Variants in DPYD observed in about 807,000 individuals in gnomAD.
The protein encoded by DPYD is dihydropyrimidine dehydrogenase, also known as dihydropyrimidine dehydrogenase [NADP(+)].
In DPYD, 109 loss-of-function variants were observed where a neutral mutation model predicts 116.2. The ratio of observed to expected loss-of-function variants is 0.94; its 90% CI spans 0.80 to 1.10. The LOEUF is 1.10. Ranked by LOEUF, DPYD falls within the 50% of genes least tolerant of loss-of-function variation. The pLI, the probability that DPYD is intolerant of heterozygous loss-of-function variation, is 0.00. For synonymous variants in DPYD, 440 were observed against 432.0 expected (o/e 1.02, Z -0.23); for missense variants, 1,302 against 1,254.5 (o/e 1.04, Z -0.57).
chr1:97,779,286 T>G (rs1259696536), intron 3 of DPYD, among the ~76,000 whole-genome samples: 1 of 134,842 alleles, frequency 7.4e-6, no homozygotes, highest in African/African-American at 2.7e-5. Context: ...CCTTATTGTC[T>G]CTATAATTTT....
intron 1 of DPYD, among the ~76,000 whole-genome samples, chr1:97,918,711 A>AAACT (rs940846472): frequency 1.1e-4 from 16 of 152,340 alleles, no homozygotes; most frequent in African/African-American, 3.1e-4. Context: ...TTCTGTAGTT[A>AAACT]GCTCATAGGG....
chr1:97,693,216 G>A (rs181069503), intron 6 of DPYD, among the ~76,000 whole-genome samples: 352 of 149,696 alleles, frequency 2.4e-3, no homozygotes, highest in African/African-American at 7.9e-3. Context: ...GTGTGAACCC[G>A]GGAGGTGGAG....
At chr1:97,726,887 C>T (rs1417020508) in intron 4 of DPYD, among the ~76,000 whole-genome samples, 1 of 151,538 alleles carries the variant, frequency 6.6e-6, no homozygotes, top group African/African-American at 2.4e-5. Flanking sequence ...TAAAGTTATA[C>T]TTATGGCTCA....
chr1:97,256,193 G>C (rs747140977), intron 18 of DPYD, among the ~76,000 whole-genome samples: 1 of 152,054 alleles, frequency 6.6e-6, no homozygotes, highest in African/African-American at 2.4e-5. Flanking sequence ...TAATAAAAGC[G>C]CTAGTAAAAC....
At chr1:97,248,839 A>T (rs909291059) in intron 18 of DPYD, among the ~76,000 whole-genome samples, 1 of 152,222 alleles carries the variant, frequency 6.6e-6, no homozygotes, top group African/African-American at 2.4e-5. Context: ...GAAAGTTAAA[A>T]AATAGTATTC....
intron 12 of DPYD, among the ~76,000 whole-genome samples, chr1:97,518,461 C>G (rs1414637849): frequency 6.6e-6 from 1 of 152,126 alleles, no homozygotes; most frequent in East Asian, 1.9e-4. Flanking sequence ...GCCTGTTCCC[C>G]CTCTGTACCC....
chr1:97,368,263 T>C (rs1671144058), intron 16 of DPYD, among the ~76,000 whole-genome samples: 1 of 152,148 alleles, frequency 6.6e-6, no homozygotes, highest in Non-Finnish European at 1.5e-5. Context: ...TGGGACTTGC[T>C]ACTTGGTTAC....
intron 2 of DPYD, chr1:97,855,784 C>T (rs1558011130): frequency 6.6e-6 from 1 of 151,892 alleles, no homozygotes; most frequent in Non-Finnish European, 1.5e-5. Context: ...TTCAGGGAAA[C>T]ACAGAGCTGC....
At chr1:97,156,211 A>G (rs1270310235) in intron 20 of DPYD, among the ~76,000 whole-genome samples, 1 of 152,162 alleles carries the variant, frequency 6.6e-6, no homozygotes, top group East Asian at 1.9e-4. Context: ...TCTCACTTTA[A>G]TAATACCTAA....
At chr1:97,419,571 G>T (rs1036607578) in intron 14 of DPYD, among the ~76,000 whole-genome samples, 1 of 150,992 alleles carries the variant, frequency 6.6e-6, no homozygotes, top group South Asian at 2.1e-4. Flanking sequence ...AATTGAATAC[G>T]ATGAGACAAA....
chr1:97,137,926 A>T (rs1272680889), intron 20 of DPYD, among the ~76,000 whole-genome samples: 1 of 152,090 alleles, frequency 6.6e-6, no homozygotes, highest in Non-Finnish European at 1.5e-5. Flanking sequence ...GCACACCTTA[A>T]CATAAAGGAA....
At chr1:97,532,331 C>A (rs531883121) in intron 12 of DPYD, among the ~76,000 whole-genome samples, 2 of 152,000 alleles carry the variant, frequency 1.3e-5, no homozygotes, top group Non-Finnish European at 2.9e-5. Flanking sequence ...GGGATATTGG[C>A]CTGTCATTTT....
chr1:97,133,932 G>A (rs1354510890), intron 20 of DPYD, among the ~76,000 whole-genome samples: 1 of 147,958 alleles, frequency 6.8e-6, no homozygotes, highest in African/African-American at 2.5e-5. Context: ...CCGGGAGGTG[G>A]AGGTTGCAGT....
intron 8 of DPYD, among the ~76,000 whole-genome samples, chr1:97,631,403 T>C (rs1053264272): frequency 6.6e-6 from 1 of 152,076 alleles, no homozygotes; most frequent in African/African-American, 2.4e-5. Context: ...AAGGGTGAAA[T>C]GTCAATCTTG....
intron 10 of DPYD, among the ~76,000 whole-genome samples, chr1:97,576,186 A>G (rs912358640): frequency 2.0e-5 from 3 of 152,204 alleles, no homozygotes; most frequent in Non-Finnish European, 4.4e-5. Context: ...ATATCACCTT[A>G]TAACTCATCA....
intron 3 of DPYD, among the ~76,000 whole-genome samples, chr1:97,793,329 C>T (rs1667407099): frequency 6.6e-6 from 1 of 152,142 alleles, no homozygotes; most frequent in Non-Finnish European, 1.5e-5. Context: ...AATCAAAATC[C>T]TAGCAGATGC....
chr1:97,329,792 T>G (rs1007470525), intron 16 of DPYD, among the ~76,000 whole-genome samples: 2 of 143,140 alleles, frequency 1.4e-5, no homozygotes, highest in Non-Finnish European at 3.0e-5. Flanking sequence ...TGAGACCCCA[T>G]GCATGAATGG....
intron 7 of DPYD, among the ~76,000 whole-genome samples, chr1:97,685,947 C>A (rs1010929993): frequency 9.9e-5 from 15 of 152,138 alleles, no homozygotes; most frequent in African/African-American, 2.4e-5. Flanking sequence ...ATTAAACTAC[C>A]ATTGACATTC....
At chr1:97,311,355 C>T (rs963200452) in intron 16 of DPYD, among the ~76,000 whole-genome samples, 1 of 151,682 alleles carries the variant, frequency 6.6e-6, no homozygotes, top group Non-Finnish European at 1.5e-5. Flanking sequence ...TTCAACATAG[C>T]ATACTTCATT....
Sources: gnomAD v4.1 joint callset for allele counts (sites outside exome capture counted in the v4.1 genomes callset) on GRCh38, gnomAD v4.1.1 for gene constraint, MANE v1.5 for transcripts, NCBI Gene and HGNC (gene_info 2026-07-23, HGNC 2026-07-21) for gene names.